ANO3: variants seen among roughly 807,000 people sequenced by gnomAD.
ANO3 encodes anoctamin-3.
ANO3 carries 99 observed loss-of-function variants against 144.8 expected under a neutral mutation model. The ratio of observed to expected loss-of-function variants is 0.68; its 90% CI spans 0.58 to 0.81. The LOEUF (loss-of-function observed/expected upper bound fraction) is 0.81, where lower values mean the gene tolerates loss of function less well. Among genes scored for constraint, ANO3 ranks in the 30% least tolerant of loss-of-function variants. The pLI, the probability that ANO3 is intolerant of heterozygous loss-of-function variation, is 0.00. For missense variants in ANO3, 905 were observed against 1,202.2 expected, an observed-to-expected ratio of 0.75 and a Z score of 3.66; for synonymous variants, 414 against 392.6, an observed-to-expected ratio of 1.05 and a Z score of -0.64.
At chr11:26,578,846 A>G (rs985499992) in intron 14 of ANO3, among the ~76,000 whole-genome samples, 2 of 152,202 alleles carry the variant, frequency 1.3e-5, no homozygotes, top group African/African-American at 4.8e-5. Context: ...TCTTCAACCT[A>G]CAAATGGCAG....
intron 1 of ANO3, among the ~76,000 whole-genome samples, chr11:26,363,062 G>T (rs561476949): frequency 7.2e-5 from 11 of 152,266 alleles, no homozygotes; most frequent in African/African-American, 2.6e-4. Flanking sequence ...AACCTCAGTT[G>T]GTTGGCATAA....
intron 1 of ANO3, among the ~76,000 whole-genome samples, chr11:26,376,542 T>G (rs888652446): frequency 2.6e-5 from 4 of 152,136 alleles, no homozygotes; most frequent in African/African-American, 9.7e-5. Flanking sequence ...AACATGTCCT[T>G]CGAAGGCATC....
At chr11:26,511,207 A>G (rs1861650695) in intron 5 of ANO3, among the ~76,000 whole-genome samples, 1 of 152,140 alleles carries the variant, frequency 6.6e-6, no homozygotes, top group Non-Finnish European at 1.5e-5. Flanking sequence ...TGTCCTCCCA[A>G]CTGTGTACCT....
chr11:26,544,720 CA>C (rs34255134), intron 11 of ANO3, among the ~76,000 whole-genome samples: 99,784 of 151,498 alleles, frequency 0.66, 33,148 homozygotes, highest in East Asian at 0.83. Flanking sequence ...TTTTTGTTGA[CA>C]AAAAATAAAC....
At chr11:26,486,868 G>C (rs1046067328) in intron 4 of ANO3, among the ~76,000 whole-genome samples, 1 of 152,200 alleles carries the variant, frequency 6.6e-6, no homozygotes, top group Non-Finnish European at 1.5e-5. Flanking sequence ...AAAGCAGGCT[G>C]TTAGGAATGG....
At chr11:26,544,178 C>A (rs116526241) in intron 11 of ANO3, among the ~76,000 whole-genome samples, 7,794 of 146,254 alleles carry the variant, frequency 0.053, 273 homozygotes, top group Admixed American at 0.097. Flanking sequence ...AGTTAATGTC[C>A]TCCAGTCTTA....
At chr11:26,218,693 A>T (rs970818787) in intron 1 of ANO3, among the ~76,000 whole-genome samples, 2 of 152,206 alleles carry the variant, frequency 1.3e-5, no homozygotes, top group African/African-American at 2.4e-5. Flanking sequence ...CAGATCTTTT[A>T]AAAGAAATAG....
At chr11:26,350,054 C>T (rs1159585788) in intron 1 of ANO3, among the ~76,000 whole-genome samples, 1 of 149,898 alleles carries the variant, frequency 6.7e-6, no homozygotes, top group Non-Finnish European at 1.5e-5. Flanking sequence ...GAGACAGGAA[C>T]GGAAGGGGGA....
At chr11:26,232,618 T>C (rs570425121) in intron 1 of ANO3, among the ~76,000 whole-genome samples, 1 of 152,072 alleles carries the variant, frequency 6.6e-6, no homozygotes, top group Non-Finnish European at 1.5e-5. Context: ...TTACACCTTA[T>C]ACAAAAATTA....
intron 1 of ANO3, among the ~76,000 whole-genome samples, chr11:26,395,977 A>G (rs1244146450): frequency 6.6e-6 from 1 of 152,198 alleles, no homozygotes; most frequent in East Asian, 1.9e-4. Flanking sequence ...TCTGCACAGC[A>G]AAAGAAGCTA....
intron 1 of ANO3, among the ~76,000 whole-genome samples, chr11:26,300,188 C>T (rs78176117): frequency 0.02 from 3,078 of 151,820 alleles, 92 homozygotes; most frequent in African/African-American, 0.067. Flanking sequence ...AGTGCGATGC[C>T]CATGCAAGCA....
intron 1 of ANO3, among the ~76,000 whole-genome samples, chr11:26,213,230 G>C (rs1004873486): frequency 6.6e-6 from 1 of 152,102 alleles, no homozygotes; most frequent in African/African-American, 2.4e-5. Context: ...CACAAGACAA[G>C]GATGCCCTTT....
intron 9 of ANO3, among the ~76,000 whole-genome samples, chr11:26,536,807 T>G (rs943575482): frequency 6.6e-6 from 1 of 152,158 alleles, no homozygotes; most frequent in Non-Finnish European, 1.5e-5. Flanking sequence ...TTATTTCTAA[T>G]TCTTTACTGA....
At chr11:26,309,435 C>T (rs117757022), upstream of ANO3, among the ~76,000 whole-genome samples, 2,967 of 152,226 alleles carry the variant, frequency 0.019, 63 homozygotes, top group East Asian at 0.12. Flanking sequence ...ATAGAACCTA[C>T]CCACCTGCTT....
chr11:26,549,178 T>G (rs1445524021), intron 12 of ANO3, among the ~76,000 whole-genome samples: 1 of 151,994 alleles, frequency 6.6e-6, no homozygotes, highest in East Asian at 1.9e-4. Context: ...TTAGGCTCTT[T>G]TTGTATGAGA....
intron 1 of ANO3, among the ~76,000 whole-genome samples, chr11:26,392,122 C>T (rs1856897104): frequency 6.6e-6 from 1 of 151,982 alleles, no homozygotes; most frequent in African/African-American, 2.4e-5. Flanking sequence ...GATTTTTATT[C>T]CTAATCTTTA....
intron 5 of ANO3, among the ~76,000 whole-genome samples, chr11:26,516,388 C>A (rs1333820599): frequency 2.0e-5 from 3 of 151,296 alleles, no homozygotes; most frequent in Non-Finnish European, 4.4e-5. Flanking sequence ...AGTTTGAGGA[C>A]CTAGTAGGTA....
chr11:26,352,620 T>C (rs940478676), intron 1 of ANO3, among the ~76,000 whole-genome samples: 1 of 152,236 alleles, frequency 6.6e-6, no homozygotes, highest in Non-Finnish European at 1.5e-5. Context: ...TACATAAATA[T>C]TTATCAAAAT....
intron 1 of ANO3, among the ~76,000 whole-genome samples, chr11:26,292,794 G>A (rs1853990137): frequency 6.6e-6 from 1 of 152,136 alleles, no homozygotes; most frequent in Non-Finnish European, 1.5e-5. Flanking sequence ...CCTTCCTCTG[G>A]AAGCTTCATC....
Sources: allele counts gnomAD v4.1 joint callset (sites outside exome capture counted in the v4.1 genomes callset), GRCh38; gene constraint gnomAD v4.1.1; transcripts MANE v1.5; gene names NCBI Gene and HGNC (gene_info 2026-07-23, HGNC 2026-07-21).